CNGB3: variants seen among roughly 807,000 people sequenced by gnomAD.
CNGB3 encodes cyclic nucleotide gated channel subunit beta 3, also known as cyclic nucleotide-gated channel beta-3.
In CNGB3, 86 loss-of-function variants were observed where a neutral mutation model predicts 92.8. The observed-to-expected ratio is 0.93, with a 90% CI of 0.78 to 1.11. The LOEUF is 1.11. Ranked by LOEUF, CNGB3 falls within the 50% of genes least tolerant of loss-of-function variation. The probability of loss-of-function intolerance (pLI) is 0.00; values close to 1 mark genes in which losing one functional copy is unlikely to be tolerated. For synonymous variants in CNGB3, 333 were observed against 332.7 expected, an observed-to-expected ratio of 1.00 and a Z score of -0.01; for missense variants, 1,026 against 956.8, an observed-to-expected ratio of 1.07 and a Z score of -0.95.
At chr8:86,607,845 C>A (rs144643508) in intron 14 of CNGB3, among the ~76,000 whole-genome samples, 1 of 152,122 alleles carries the variant, frequency 6.6e-6, no homozygotes, top group African/African-American at 2.4e-5. Context: ...TCAAATTGAA[C>A]GTATTTTTTT....
chr8:86,604,811 T>G (rs984570783), intron 14 of CNGB3, among the ~76,000 whole-genome samples: 3 of 152,190 alleles, frequency 2.0e-5, no homozygotes, highest in Admixed American at 6.5e-5. Context: ...AGAATTAAAC[T>G]CCTGGAATGT....
intron 1 of CNGB3, among the ~76,000 whole-genome samples, chr8:86,743,109 G>C (rs1019179465): frequency 1.2e-4 from 18 of 152,008 alleles, no homozygotes; most frequent in African/African-American, 4.4e-4. Context: ...AGAGCCAATA[G>C]GTTTCCTATT....
chr8:86,702,672 G>A (rs1208147682), intron 3 of CNGB3, among the ~76,000 whole-genome samples: 6 of 151,986 alleles, frequency 3.9e-5, no homozygotes. Context: ...GCCAAAAATT[G>A]GCATGTAATT....
chr8:86,580,662 G>A (rs1821746206), intron 15 of CNGB3, among the ~76,000 whole-genome samples: 1 of 152,202 alleles, frequency 6.6e-6, no homozygotes, highest in Non-Finnish European at 1.5e-5. Flanking sequence ...AAAAAAGAGT[G>A]GGGGAATAAA....
intron 3 of CNGB3, among the ~76,000 whole-genome samples, chr8:86,672,446 A>G (rs1372173): frequency 0.89 from 135,929 of 152,240 alleles, 60,966 homozygotes; most frequent in East Asian, 1. Flanking sequence ...AGCATGGAGC[A>G]TAGAGTAGAC....
intron 15 of CNGB3, among the ~76,000 whole-genome samples, chr8:86,591,213 G>A (rs1395730934): frequency 7.1e-6 from 1 of 140,288 alleles, no homozygotes; most frequent in African/African-American, 2.6e-5. Flanking sequence ...GCACTTTTCT[G>A]TATTGGTTAT....
At chr8:86,697,458 G>C (rs1824470244) in intron 3 of CNGB3, among the ~76,000 whole-genome samples, 2 of 152,198 alleles carry the variant, frequency 1.3e-5, no homozygotes, top group East Asian at 3.9e-4. Context: ...TTAGAGATCA[G>C]GTTCATTTAT....
At chr8:86,710,077 T>A (rs1401976790) in intron 3 of CNGB3, among the ~76,000 whole-genome samples, 1 of 152,124 alleles carries the variant, frequency 6.6e-6, no homozygotes, top group Admixed American at 6.5e-5. Flanking sequence ...AACTCACAAA[T>A]CTCTTCCTTT....
chr8:86,721,807 T>C (rs538600023), intron 3 of CNGB3, among the ~76,000 whole-genome samples: 1 of 152,314 alleles, frequency 6.6e-6, no homozygotes, highest in Admixed American at 6.5e-5. Context: ...TCCTTTTCTA[T>C]TTCAACTATG....
intron 12 of CNGB3, 129 bp from the exon 13 acceptor site, chr8:86,626,209 C>T: frequency 1.4e-6 from 1 of 708,214 alleles, no homozygotes; most frequent in Non-Finnish European, 2.5e-6. Flanking sequence ...TAATTAGATG[C>T]ATCAGATTCT....
chr8:86,714,626 C>T (rs975723205), intron 3 of CNGB3, among the ~76,000 whole-genome samples: 3 of 152,126 alleles, frequency 2.0e-5, no homozygotes, highest in African/African-American at 7.2e-5. Flanking sequence ...AGGAACATAT[C>T]AGGAAAACTG....
chr8:86,736,696 G>A (rs181317629), intron 2 of CNGB3, among the ~76,000 whole-genome samples: 1 of 151,814 alleles, frequency 6.6e-6, no homozygotes, highest in African/African-American at 2.4e-5. Flanking sequence ...TCTACAAAAG[G>A]GTCTTCTCCT....
intron 3 of CNGB3, among the ~76,000 whole-genome samples, chr8:86,717,762 C>T (rs1308623116): frequency 6.6e-6 from 1 of 152,002 alleles, no homozygotes; most frequent in Non-Finnish European, 1.5e-5. Flanking sequence ...ACATGATAGA[C>T]CACAAAACAA....
intron 11 of CNGB3, among the ~76,000 whole-genome samples, chr8:86,631,110 T>C (rs1026630443): frequency 6.6e-6 from 1 of 152,244 alleles, no homozygotes; most frequent in African/African-American, 2.4e-5. Flanking sequence ...CTTGTTCCTA[T>C]TGGAACCTCA....
chr8:86,658,909 C>T, intron 6 of CNGB3: 1 of 899,262 alleles, frequency 1.1e-6, no homozygotes, highest in Non-Finnish European at 1.8e-6. Flanking sequence ...GCCTTCTGCT[C>T]TAGCTCCAGC....
At chr8:86,722,816 G>A (rs979039968) in intron 3 of CNGB3, among the ~76,000 whole-genome samples, 1 of 152,178 alleles carries the variant, frequency 6.6e-6, no homozygotes, top group East Asian at 1.9e-4. Context: ...CAAGTTTGCT[G>A]GCTTTTTGGA....
chr8:86,677,120 G>C (rs1179046610), intron 3 of CNGB3, among the ~76,000 whole-genome samples: 1 of 152,142 alleles, frequency 6.6e-6, no homozygotes, highest in Non-Finnish European at 1.5e-5. Context: ...CAAAAGCTGG[G>C]AGAGAGAGCA....
At chr8:86,665,351 C>T (rs923590364) in intron 6 of CNGB3, among the ~76,000 whole-genome samples, 1 of 152,172 alleles carries the variant, frequency 6.6e-6, no homozygotes, top group African/African-American at 2.4e-5. Flanking sequence ...CTGTGGAAAT[C>T]AACTTGGAGA....
chr8:86,693,434 T>TTATTG lies in CNGB3; in HGVS notation c.339-22337_339-22336insCAATA, dbSNP rs1432174509. Among the ~76,000 whole-genome samples the TTATTG allele has an allele frequency of 7.6e-5, 10 of 131,634 alleles. No homozygotes were observed. The South Asian group carries it at 2.3e-3, about 30-fold the overall frequency. 86.4% of individuals were successfully genotyped at this position (131,634 alleles called of 152,430 possible). On this transcript the variant is annotated intron_variant, in intron 3 of 17. Coordinates refer to ENST00000320005, the MANE Select transcript of CNGB3 (RefSeq NM_019098.5). ...GTTCATTTTTTTTTATTATTATTAT[T>TTATTG]ATTTATTTATTTATTTATTTATTTA...
Sources: gnomAD v4.1 joint callset for allele counts (sites outside exome capture counted in the v4.1 genomes callset) on GRCh38, gnomAD v4.1.1 for gene constraint, MANE v1.5 for transcripts, NCBI Gene and HGNC (gene_info 2026-07-23, HGNC 2026-07-21) for gene names.